Variants in NRXN3 observed in about 807,000 individuals in gnomAD.
NRXN3 encodes neurexin III.
In NRXN3, 32 loss-of-function variants were observed where a neutral mutation model predicts 137.6. The ratio of observed to expected loss-of-function variants is 0.23; its 90% CI spans 0.18 to 0.31. The LOEUF (loss-of-function observed/expected upper bound fraction) is 0.31, where lower values mean the gene tolerates loss of function less well. NRXN3 is among the 10% of genes least tolerant of loss of function. The pLI is 1.00. For synonymous variants in NRXN3, 798 were observed against 784.5 expected (o/e 1.02, Z -0.29); for missense variants, 1,574 against 2,062.5 (o/e 0.76, Z 4.59).
At chr14:78,241,964 T>C (rs151180177) in intron 1 of NRXN3, among the ~76,000 whole-genome samples, 2 of 152,302 alleles carry the variant, frequency 1.3e-5, no homozygotes, top group African/African-American at 4.8e-5. Flanking sequence ...CTACAGTGAG[T>C]TGTCAAATTG....
intron 4 of NRXN3, among the ~76,000 whole-genome samples, chr14:78,339,981 G>A (rs1394170602): frequency 2.6e-5 from 4 of 152,164 alleles, no homozygotes; most frequent in Non-Finnish European, 5.9e-5. Context: ...TGGAAGACAA[G>A]TTGTAGTCTA....
intron 4 of NRXN3, among the ~76,000 whole-genome samples, chr14:78,586,710 C>T (rs1354470942): frequency 2.6e-5 from 4 of 152,274 alleles, no homozygotes; most frequent in African/African-American, 9.6e-5. Flanking sequence ...CGACCCTGAC[C>T]GTGTACACCC....
intron 15 of NRXN3, among the ~76,000 whole-genome samples, chr14:79,133,476 G>A (rs768884038): frequency 3.3e-5 from 5 of 152,130 alleles, no homozygotes; most frequent in Non-Finnish European, 5.9e-5. Flanking sequence ...ATAAGTAAGT[G>A]AGCTTTTGTG....
chr14:79,785,423 C>T (rs999028542), intron 19 of NRXN3, among the ~76,000 whole-genome samples: 5 of 152,066 alleles, frequency 3.3e-5, no homozygotes, highest in Non-Finnish European at 5.9e-5. Context: ...CTCTTATTCC[C>T]ATTCCTTCCT....
intron 4 of NRXN3, among the ~76,000 whole-genome samples, chr14:78,494,415 A>G (rs1467740991): frequency 8.5e-6 from 1 of 117,508 alleles, no homozygotes. Flanking sequence ...GAATCCTACC[A>G]GAGGTGTTTT....
intron 15 of NRXN3, among the ~76,000 whole-genome samples, chr14:79,320,924 T>C (rs534664194): frequency 1.3e-5 from 2 of 152,126 alleles, no homozygotes; most frequent in East Asian, 3.9e-4. Flanking sequence ...TGAACTCCAA[T>C]ACCTATCACA....
intron 19 of NRXN3, among the ~76,000 whole-genome samples, chr14:79,770,929 A>G (rs1171401391): frequency 1.3e-5 from 2 of 152,212 alleles, no homozygotes; most frequent in Non-Finnish European, 2.9e-5. Context: ...GCAATAAAAA[A>G]TGATAAAGAA....
chr14:79,319,557 G>A (rs560750772), intron 15 of NRXN3, among the ~76,000 whole-genome samples: 8 of 152,230 alleles, frequency 5.3e-5, no homozygotes, highest in African/African-American at 7.2e-5. Flanking sequence ...TGAGATATTC[G>A]GAGTGATGAG....
At chr14:78,633,137 C>T (rs566650475) in intron 4 of NRXN3, among the ~76,000 whole-genome samples, 88 of 150,956 alleles carry the variant, frequency 5.8e-4, no homozygotes, top group Non-Finnish European at 1.1e-3. Flanking sequence ...TGCCTGTAGT[C>T]CTAGCTACTC....
rs545988465 is a variant in NRXN3, at chr14:79,131,322, G to A, written c.3262+143181G>A. On this transcript the variant is annotated intron_variant, in intron 15 of 20. Transcript: ENST00000335750. ...ATCTTTGTGGTTTTATCTACTTTTGGTCTTTGATGATGGTGATGTACAGAT... is the reference window on the plus strand; with the variant it reads ...ATCTTTGTGGTTTTATCTACTTTTGATCTTTGATGATGGTGATGTACAGAT... Among the ~76,000 whole-genome samples, 380 of 151,996 alleles carry A rather than the reference G, an allele frequency of 2.5e-3. 1 individual carries two copies. Among genetic ancestry groups the A allele is most frequent in the African/African-American group, 8.7e-3 (360 of 41,416 alleles).
At chr14:78,552,624 C>T (rs894926788) in intron 4 of NRXN3, among the ~76,000 whole-genome samples, 1 of 152,110 alleles carries the variant, frequency 6.6e-6, no homozygotes, top group Admixed American at 6.5e-5. Context: ...TGTGATCACA[C>T]CAGTGCACTC....
rs1331785990 is a variant in NRXN3 at position 79,053,593 on chromosome 14, T to C, written c.3262+65452T>C. On this transcript the variant is annotated intron_variant, in intron 15 of 20. Transcript: ENST00000335750. ...TGTGCGTGTGTATTTTGTATGTGAG[T>C]ATTGTGCGTGTTCTATGTGTGCTGT... Among the ~76,000 whole-genome samples the C allele has an allele frequency of 5.3e-5, 8 of 150,164 alleles. No homozygotes were observed. In the Admixed American group the frequency reaches 5.4e-4, roughly 10 times the overall value.
chr14:78,739,448 G>T (rs2098554902), intron 8 of NRXN3, among the ~76,000 whole-genome samples: 3 of 152,096 alleles, frequency 2.0e-5, no homozygotes, highest in Non-Finnish European at 4.4e-5. Flanking sequence ...CAGAGCCTTG[G>T]GTACTCTTTC....
At chr14:78,354,430 T>G (rs1260709774) in intron 4 of NRXN3, among the ~76,000 whole-genome samples, 1 of 152,202 alleles carries the variant, frequency 6.6e-6, no homozygotes, top group African/African-American at 2.4e-5. Flanking sequence ...GCCTCTCCCA[T>G]CTAGCCACTC....
intron 4 of NRXN3, among the ~76,000 whole-genome samples, chr14:78,507,591 G>C (rs182595076): frequency 2.5e-3 from 380 of 152,190 alleles, no homozygotes; most frequent in African/African-American, 8.8e-3. Flanking sequence ...ACTATATTTT[G>C]TAAAATCACC....
At chr14:78,909,149 T>C (rs75724442) in intron 10 of NRXN3, among the ~76,000 whole-genome samples, 3,531 of 152,252 alleles carry the variant, frequency 0.023, 82 homozygotes, top group Admixed American at 0.048. Context: ...GAACTTTCAA[T>C]GAAAATTTTA....
At chr14:78,290,661 A>G (rs886459282) in intron 3 of NRXN3, among the ~76,000 whole-genome samples, 8 of 152,290 alleles carry the variant, frequency 5.3e-5, no homozygotes, top group South Asian at 2.1e-4. Context: ...GGACTTAGGT[A>G]GAAGGTTTTT....
chr14:79,244,195 A>G (rs2074802711), intron 15 of NRXN3, among the ~76,000 whole-genome samples: 5 of 152,268 alleles, frequency 3.3e-5, no homozygotes, highest in South Asian at 2.1e-4. Flanking sequence ...CCAGTCCTCT[A>G]TATTGTTCTC....
intron 10 of NRXN3, among the ~76,000 whole-genome samples, chr14:78,913,172 A>C (rs2099244081): frequency 6.6e-6 from 1 of 151,920 alleles, no homozygotes; most frequent in East Asian, 1.9e-4. Context: ...GAGAAACTCA[A>C]TTCCATTTTT....
Sources: allele counts gnomAD v4.1 joint callset (sites outside exome capture counted in the v4.1 genomes callset), GRCh38; gene constraint gnomAD v4.1.1; transcripts MANE v1.5; gene names NCBI Gene and HGNC (gene_info 2026-07-23, HGNC 2026-07-21).